UNC5D: variants seen among roughly 807,000 people sequenced by gnomAD.
The protein encoded by UNC5D is netrin receptor UNC5D.
A neutral mutation model predicts 105.4 loss-of-function variants in UNC5D; 39 were observed. The ratio of observed to expected loss-of-function variants is 0.37; its 90% CI spans 0.29 to 0.48. The LOEUF (loss-of-function observed/expected upper bound fraction) is 0.48, where lower values mean the gene tolerates loss of function less well. UNC5D is among the 20% of genes least tolerant of loss of function. The pLI, the probability that UNC5D is intolerant of heterozygous loss-of-function variation, is 0.98. For synonymous variants in UNC5D, 452 were observed against 450.4 expected, an observed-to-expected ratio of 1.00 and a Z score of -0.04; for missense variants, 991 against 1,202.4, an observed-to-expected ratio of 0.82 and a Z score of 2.60.
At chr8:35,682,045 A>G (rs1280521777) in intron 4 of UNC5D, among the ~76,000 whole-genome samples, 2 of 152,034 alleles carry the variant, frequency 1.3e-5, no homozygotes, top group African/African-American at 4.8e-5. Flanking sequence ...GCTCACTGTA[A>G]CCTCTGCCTC....
At chr8:35,256,472 C>T (rs1332663495) in intron 1 of UNC5D, 1 of 152,036 alleles carries the variant, frequency 6.6e-6, no homozygotes, top group Non-Finnish European at 1.5e-5. Context: ...CCCATAGCCC[C>T]GAACGCCCTG....
intron 4 of UNC5D, among the ~76,000 whole-genome samples, chr8:35,629,485 C>G (rs1354480360): frequency 1.3e-5 from 2 of 151,818 alleles, no homozygotes; most frequent in Non-Finnish European, 2.9e-5. Context: ...TAAGTAGGAG[C>G]TAAACATAAG....
intron 1 of UNC5D, among the ~76,000 whole-genome samples, chr8:35,542,101 G>C (rs116922070): frequency 6.6e-6 from 1 of 152,186 alleles, no homozygotes; most frequent in Non-Finnish European, 1.5e-5. Flanking sequence ...GATATAAAAC[G>C]CTTCCATTTT....
chr8:35,572,840 G>A (rs1817832063), intron 3 of UNC5D, among the ~76,000 whole-genome samples: 1 of 134,322 alleles, frequency 7.4e-6, no homozygotes, highest in Non-Finnish European at 1.5e-5. Flanking sequence ...GTCTCTCTCT[G>A]TCGCCCAGGC....
intron 3 of UNC5D, among the ~76,000 whole-genome samples, chr8:35,583,634 A>G (rs927383996): frequency 4.6e-5 from 7 of 152,158 alleles, no homozygotes; most frequent in Non-Finnish European, 7.4e-5. Context: ...TTGTCCCTAT[A>G]GCTTTTGGTG....
At chr8:35,550,111 T>G (rs1326508000) in intron 2 of UNC5D, among the ~76,000 whole-genome samples, 5 of 152,146 alleles carry the variant, frequency 3.3e-5, no homozygotes, top group Admixed American at 6.5e-5. Context: ...ATGGAAATTA[T>G]GATTATACTA....
intron 1 of UNC5D, among the ~76,000 whole-genome samples, chr8:35,453,125 A>T (rs957676991): frequency 6.6e-6 from 1 of 152,156 alleles, no homozygotes; most frequent in African/African-American, 2.4e-5. Context: ...GAAAGTAGGG[A>T]AATCTAATTA....
intron 1 of UNC5D, among the ~76,000 whole-genome samples, chr8:35,533,767 C>T (rs111516361): frequency 9.2e-5 from 14 of 152,110 alleles, no homozygotes; most frequent in Admixed American, 3.9e-4. Context: ...TTTTTTTAGC[C>T]GGTCTGAAAA....
At chr8:35,767,223 G>A (rs900792276) in intron 15 of UNC5D, among the ~76,000 whole-genome samples, 157 bp downstream of exon 15, 2 of 152,178 alleles carry the variant, frequency 1.3e-5, no homozygotes, top group East Asian at 1.9e-4. Flanking sequence ...AAGCTTTGTC[G>A]CATGCCGAGG....
At chr8:35,422,082 A>G (rs1563402145) in intron 1 of UNC5D, among the ~76,000 whole-genome samples, 1 of 152,218 alleles carries the variant, frequency 6.6e-6, no homozygotes, top group Non-Finnish European at 1.5e-5. Context: ...CATGAACGGT[A>G]TAGCCTCACG....
chr8:35,749,549 A>G (rs1048571383), intron 12 of UNC5D, among the ~76,000 whole-genome samples: 7 of 152,188 alleles, frequency 4.6e-5, no homozygotes, highest in Non-Finnish European at 1.0e-4. Flanking sequence ...AGTTGCTACA[A>G]TGGATTACCT....
intron 1 of UNC5D, among the ~76,000 whole-genome samples, chr8:35,236,593 G>C (rs1460202564): frequency 1.3e-5 from 2 of 152,178 alleles, no homozygotes; most frequent in Admixed American, 6.5e-5. Context: ...CCACCGAGCC[G>C]CAGGGAAACC....
At chr8:35,248,768 A>G (rs1423941333) in intron 1 of UNC5D, among the ~76,000 whole-genome samples, 1 of 98,606 alleles carries the variant, frequency 1.0e-5, no homozygotes, top group African/African-American at 4.2e-5. Flanking sequence ...TATATAATAT[A>G]TTATATAAAT....
intron 8 of UNC5D, among the ~76,000 whole-genome samples, chr8:35,715,288 A>C (rs944219896): frequency 6.6e-6 from 1 of 152,222 alleles, no homozygotes; most frequent in Admixed American, 6.5e-5. Context: ...AGAAAGGAAA[A>C]GAAAAACAAA....
At chr8:35,442,773 T>C (rs1238631488) in intron 1 of UNC5D, among the ~76,000 whole-genome samples, 1 of 151,958 alleles carries the variant, frequency 6.6e-6, no homozygotes, top group Non-Finnish European at 1.5e-5. Flanking sequence ...GCTATTATAA[T>C]GCTTAGATTA....
intron 1 of UNC5D, among the ~76,000 whole-genome samples, chr8:35,320,061 G>A (rs1330014801): frequency 1.3e-5 from 2 of 152,094 alleles, no homozygotes; most frequent in East Asian, 3.9e-4. Flanking sequence ...GGTGGCCCAT[G>A]AAACAGCCCC....
intron 1 of UNC5D, among the ~76,000 whole-genome samples, chr8:35,271,713 TTATACATG>T (rs1563268311): frequency 4.7e-5 from 4 of 85,408 alleles, no homozygotes; most frequent in African/African-American, 2.3e-4. Context: ...ACATATATAT[TTATACATG>T]TATACATGTA....
intron 1 of UNC5D, among the ~76,000 whole-genome samples, chr8:35,345,684 T>G (rs1811758621): frequency 6.6e-6 from 1 of 151,992 alleles, no homozygotes; most frequent in Non-Finnish European, 1.5e-5. Flanking sequence ...TTTTAAATGT[T>G]CTGTGTGCTC....
chr8:35,739,905 A>G (rs768925284), intron 11 of UNC5D, among the ~76,000 whole-genome samples: 3 of 152,224 alleles, frequency 2.0e-5, no homozygotes, highest in East Asian at 1.9e-4. Flanking sequence ...AACCTGGACA[A>G]TCAACCTTCT....
Sources: allele counts gnomAD v4.1 joint callset (sites outside exome capture counted in the v4.1 genomes callset), GRCh38; gene constraint gnomAD v4.1.1; transcripts MANE v1.5; gene names NCBI Gene and HGNC (gene_info 2026-07-23, HGNC 2026-07-21).